The following RUVBL2 variants were observed in gnomAD, a reference collection of about 807,000 sequenced individuals.
The protein encoded by RUVBL2 is RuvB like AAA ATPase 2, also known as ruvB-like 2.
A neutral mutation model predicts 57.9 loss-of-function variants in RUVBL2; 9 were observed. That is an observed-to-expected ratio of 0.16 (90% CI 0.09 to 0.27). The LOEUF is 0.27. Ranked by LOEUF, RUVBL2 falls within the 10% of genes least tolerant of loss-of-function variation. The pLI is 1.00. For synonymous variants in RUVBL2, 278 were observed against 264.6 expected (o/e 1.05, Z -0.49); for missense variants, 456 against 669.6 (o/e 0.68, Z 3.52).
At position 49,004,361 on chromosome 19, in the gene RUVBL2, G is replaced by A. The variant is rs369212931; in HGVS notation, c.208G>A (p.Gly70Ser). Residue 70 changes from glycine (G) to serine (S), a missense_variant, in exon 4 of 15, where the codon GGT (glycine) becomes AGT (serine). By Grantham distance (56) the Gly-to-Ser change is moderately conservative. Transcript: ENST00000595090. ...LEMIREGKIA[G>S]RAVLIAGQPG... ...GATGATCCGGGAAGGGAAGATTGCC[G>A]GTCGGGCAGTCCTTATTGCTGGCCA... The A allele has an allele frequency of 3.1e-6, 5 of 1,613,210 alleles. No individual in the cohort carries two copies. Among genetic ancestry groups the A allele is most frequent in the Non-Finnish European group, 3.4e-6 (4 of 1,179,968 alleles).
chr19:48,993,933 G>A lies in RUVBL2; in HGVS notation c.12+10G>A, dbSNP rs1239604243. The A allele has an allele frequency of 6.2e-7, 1 of 1,614,082 alleles. No homozygotes were observed. The highest frequency in any genetic ancestry group is 1.7e-5 in the Admixed American group (1 of 60,000). On this transcript the variant is annotated intron_variant, in intron 1 of 14. Transcript: ENST00000595090. ...CATCATGGCAACCGTTGTAAGTGTG[G>A]GTGCATGGAGGGTGAGGAGCGAGCT...
intron 12 of RUVBL2, 112 bp from the exon 13 acceptor site, chr19:49,014,909 G>T (rs1192284018): frequency 1.4e-6 from 2 of 1,386,008 alleles, no homozygotes; most frequent in Admixed American, 2.2e-5. Context: ...GTTCTAAGAT[G>T]CAGGCGCCAC....
At chr19:49,001,952 T>G (rs555014393) in intron 2 of RUVBL2, among the ~76,000 whole-genome samples, 1 of 152,192 alleles carries the variant, frequency 6.6e-6, no homozygotes, top group Non-Finnish European at 1.5e-5. Context: ...AAATCCTTCC[T>G]CTGTTGAAAC....
At chr19:49,010,322 C>T (rs973898954) in intron 8 of RUVBL2, 166 bp from the exon 9 acceptor site, 45 of 742,644 alleles carry the variant, frequency 6.1e-5, no homozygotes, top group Middle Eastern at 3.6e-4. Context: ...TGGAATGTCC[C>T]TAGTCCTGAC....
At chr19:48,998,470 A>G (rs1436471878) in intron 1 of RUVBL2, among the ~76,000 whole-genome samples, 5 of 151,642 alleles carry the variant, frequency 3.3e-5, no homozygotes, top group African/African-American at 7.3e-5. Flanking sequence ...CTTGGTGGGC[A>G]GATCACTTGA....
intron 1 of RUVBL2, among the ~76,000 whole-genome samples, chr19:48,998,580 G>T (rs980134894): frequency 3.3e-5 from 5 of 151,888 alleles, no homozygotes; most frequent in Non-Finnish European, 5.9e-5. Context: ...GTGGTGGTGT[G>T]CGCCTGTAGT....
chr19:48,993,907 G>C lies in RUVBL2; in HGVS notation c.-5G>C, dbSNP rs766555662. ...CCGCTAGGACTCTGGCAGTTGGTGAGCATCATGGCAACCGTTGTAAGTGTG... is the reference window on the plus strand; with the variant it reads ...CCGCTAGGACTCTGGCAGTTGGTGACCATCATGGCAACCGTTGTAAGTGTG... On this transcript the variant is annotated 5_prime_UTR_variant, in exon 1 of 15. Transcript: ENST00000595090. 2 of 1,614,140 alleles carry C rather than the reference G, an allele frequency of 1.2e-6. No individual in the cohort carries two copies. Among genetic ancestry groups the C allele is most frequent in the South Asian group, 2.2e-5 (2 of 91,084 alleles).
chr19:49,007,256 A>C (rs1457112477), intron 5 of RUVBL2, 46 bp from the exon 6 acceptor site: 1 of 1,608,350 alleles, frequency 6.2e-7, no homozygotes, highest in South Asian at 1.1e-5. Flanking sequence ...GTGATTCCCG[A>C]GGGTCCAGGT....
chr19:49,013,839 G>T (rs982493504), intron 11 of RUVBL2, among the ~76,000 whole-genome samples: 1 of 152,200 alleles, frequency 6.6e-6, no homozygotes, highest in Non-Finnish European at 1.5e-5. Flanking sequence ...GGTTGAACCC[G>T]GGAGGCGGAG....
rs150154178 is a variant in RUVBL2, at chr19:49,005,640, A to AT, written c.265+1237dup. Reference sequence around the variant, plus strand: ...CCTTTCTGCTTTCCTACTCTTCTTCATTTTTTTTTTTTTTTGAGACAGTTT... The same window carrying AT: ...CCTTTCTGCTTTCCTACTCTTCTTCATTTTTTTTTTTTTTTTGAGACAGTTT... On this transcript the variant is annotated intron_variant, in intron 4 of 14. Coordinates refer to ENST00000595090, the MANE Select transcript of RUVBL2 (RefSeq NM_006666.3). 7.1e-3 allele frequency among the ~76,000 whole-genome samples: 858 copies of AT among 120,500 alleles called. 5 individuals carry two copies. The highest frequency in any genetic ancestry group is 9.4e-3 in the Non-Finnish European group (498 of 53,160). The allele number at this position is 120,500 out of a possible 152,430, so 79.1% of individuals were successfully genotyped here.
Position 49,011,417 on chromosome 19 carries a change from G to A in RUVBL2, c.1001+107G>A, listed in dbSNP as rs1011555795. 71 of 842,004 alleles carry A rather than the reference G, an allele frequency of 8.4e-5. No homozygotes were observed. In the Middle Eastern group the frequency reaches 1.6e-3, roughly 19 times the overall value. The allele number at this position is 842,004 out of a possible 1,614,324, so 52.2% of individuals were successfully genotyped here. A position where few individuals can be genotyped will look rare whatever the true frequency, so the allele number is the denominator to read the frequency against. On this transcript the variant is annotated intron_variant, in intron 11 of 14. Transcript: ENST00000595090. The surrounding 1 kb of genome is among the most constrained non-coding windows in gnomAD (Gnocchi z 4.4). ...TTGACACCGGGTCAGGGAGGGACGC[G>A]TGACTGCAGTGTGCGCTCTTTGCTT... is the stretch of plus-strand genomic sequence containing the variant.
At chr19:49,010,125 C>T (rs780088511) in intron 8 of RUVBL2, 59 bp downstream of exon 8, 9 of 1,446,242 alleles carry the variant, frequency 6.2e-6, no homozygotes, top group South Asian at 3.5e-5. Context: ...TTCATCTCCT[C>T]CATCACCCCC....
At chr19:49,012,884 C>CACACACACACACACA (rs1555803381) in intron 11 of RUVBL2, among the ~76,000 whole-genome samples, 3 of 149,126 alleles carry the variant, frequency 2.0e-5, no homozygotes, top group African/African-American at 4.9e-5. Flanking sequence ...CACACACACA[C>CACACACACACACACA]CACCCCTGGG....
At position 49,011,399 on chromosome 19, in the gene RUVBL2, C is replaced by A; in HGVS notation, c.1001+89C>A. 1.9e-6 allele frequency: 2 copies of A among 1,077,438 alleles called. No individual in the cohort carries two copies. The highest frequency in any genetic ancestry group is 2.8e-6 in the Non-Finnish European group (2 of 707,646). The allele number at this position is 1,077,438 out of a possible 1,614,324, so 66.7% of individuals were successfully genotyped here. A position where few individuals can be genotyped will look rare whatever the true frequency, so the allele number is the denominator to read the frequency against. On this transcript the variant is annotated intron_variant, in intron 11 of 14. Transcript: ENST00000595090. This position sits in a 1 kb window ranked among gnomAD's most constrained non-coding sequence, Gnocchi z 4.4. ...GGTCAATGGGAGCCTGTGTTGACAC[C>A]GGGTCAGGGAGGGACGCGTGACTGC...
Position 49,011,156 on chromosome 19 carries a change from C to T in RUVBL2, c.883-36C>T, listed in dbSNP as rs371293694. ...TGGAGGTGGGCCGGGGAAGTGGGGA[C>T]GCGGGTGGTGACTCTCACACACACC... On this transcript the variant is annotated intron_variant, in intron 10 of 14. Coordinates refer to ENST00000595090, the MANE Select transcript of RUVBL2 (RefSeq NM_006666.3). The surrounding 1 kb of genome is among the most constrained non-coding windows in gnomAD (Gnocchi z 4.4). 1.4e-4 allele frequency: 224 copies of T among 1,609,170 alleles called. No individual in the cohort carries two copies. Among genetic ancestry groups the T allele is most frequent in the Non-Finnish European group, 1.8e-4 (216 of 1,176,462 alleles).
chr19:49,010,050 A>G lies in RUVBL2; in HGVS notation c.647A>G (p.Asp216Gly). ...GRSFTRARDYDAMGSQTKFVQ... is the reference protein window; with the variant it reads ...GRSFTRARDYGAMGSQTKFVQ... Reference sequence around the variant, plus strand: ...TCCTTCACACGCGCCCGCGACTACGACGCTATGGGCTCCCAGGTGCGGCCG... The same window carrying G: ...TCCTTCACACGCGCCCGCGACTACGGCGCTATGGGCTCCCAGGTGCGGCCG... Residue 216 changes from aspartate to glycine, a missense_variant, in exon 8 of 15, where the codon GAC becomes GGC. Asp to Gly is a moderately conservative substitution (Grantham distance 94, BLOSUM62 -1). Transcript: ENST00000595090. 1 of 1,600,134 alleles carries G rather than the reference A, an allele frequency of 6.2e-7. No homozygotes were observed. The highest frequency in any genetic ancestry group is 8.5e-7 in the Non-Finnish European group (1 of 1,173,622).
intron 2 of RUVBL2, 110 bp from the exon 3 acceptor site, chr19:49,003,169 T>G: frequency 7.5e-6 from 4 of 530,940 alleles, no homozygotes; most frequent in East Asian, 1.1e-4. Context: ...CCCTGCTCCC[T>G]ACTCCCACCC....
At chr19:49,009,160 CAAAAAAAAAAAAAAA>C (rs61402282) in intron 6 of RUVBL2, among the ~76,000 whole-genome samples, 67 of 21,418 alleles carry the variant, frequency 3.1e-3, no homozygotes, top group East Asian at 0.021. Flanking sequence ...GACTCTATCT[CAAAAAAAAAAAAAAA>C]AAAAAAAAAA....
intron 2 of RUVBL2, 90 bp from the exon 3 acceptor site, chr19:49,003,188 GA>G: frequency 1.7e-6 from 1 of 573,176 alleles, no homozygotes; most frequent in Non-Finnish European, 3.3e-6. Context: ...CCACCCCTTT[GA>G]CAAAGAAGGA....
Sources: allele counts gnomAD v4.1 joint callset (sites outside exome capture counted in the v4.1 genomes callset), GRCh38; gene constraint gnomAD v4.1.1; non-coding constraint Gnocchi (gnomAD v3.1); transcripts MANE v1.5; gene names NCBI Gene and HGNC (gene_info 2026-07-23, HGNC 2026-07-21).